The following EYS variants were observed in gnomAD, a reference collection of about 807,000 sequenced individuals.
EYS encodes the protein protein eyes shut homolog.
A neutral mutation model predicts 282.1 loss-of-function variants in EYS; 250 were observed. The observed-to-expected ratio is 0.89, with a 90% CI of 0.80 to 0.98. EYS has a LOEUF of 0.98. Ranked by LOEUF, EYS falls within the 50% of genes least tolerant of loss-of-function variation. The probability of loss-of-function intolerance (pLI) is 0.00; values close to 1 mark genes in which losing one functional copy is unlikely to be tolerated. For synonymous variants in EYS, 1,355 were observed against 1,282.9 expected (o/e 1.06, Z -1.20); for missense variants, 4,016 against 3,709.0 (o/e 1.08, Z -2.15).
At chr6:65,105,079 T>C (rs1581913767) in intron 12 of EYS, among the ~76,000 whole-genome samples, 2 of 151,742 alleles carry the variant, frequency 1.3e-5, no homozygotes, top group Admixed American at 1.3e-4. Context: ...ACACTACACA[T>C]GTTGATATAA....
At position 65,535,460 on chromosome 6, in the gene EYS, T is replaced by A. The variant is rs142691177; in HGVS notation, c.-332-39467A>T. On this transcript the variant is annotated intron_variant, in intron 2 of 42. Coordinates refer to ENST00000503581, the MANE Select transcript of EYS (RefSeq NM_001142800.2). ...GCACAAGCCCTCTTGCCTGCTGCCA[T>A]GTAAGATGTGATTTTGCTTCTCCTT... Among the ~76,000 whole-genome samples the A allele has an allele frequency of 3.5e-3, 534 of 152,214 alleles. 3 individuals are homozygous for A. Among genetic ancestry groups the A allele is most frequent in the South Asian group, 0.032 (155 of 4,824 alleles).
intron 8 of EYS, among the ~76,000 whole-genome samples, chr6:65,366,702 C>T (rs919430933): frequency 1.3e-5 from 2 of 151,530 alleles, no homozygotes; most frequent in Non-Finnish European, 2.9e-5. Flanking sequence ...AACATTTATT[C>T]TCTAACATTT....
intron 36 of EYS, among the ~76,000 whole-genome samples, chr6:63,810,453 C>T (rs1444823744): frequency 6.6e-6 from 1 of 152,164 alleles, no homozygotes; most frequent in Admixed American, 6.5e-5. Context: ...TTCTTCAACT[C>T]TGCAGTGATG....
At chr6:65,301,045 T>TAG (rs1306687699) in intron 11 of EYS, 2 of 152,216 alleles carry the variant, frequency 1.3e-5, no homozygotes, top group African/African-American at 2.4e-5. Flanking sequence ...CCCTCAGGAA[T>TAG]GACTGATGAG....
intron 2 of EYS, among the ~76,000 whole-genome samples, chr6:65,500,915 G>C (rs1037334822): frequency 6.6e-6 from 1 of 151,874 alleles, no homozygotes; most frequent in Non-Finnish European, 1.5e-5. Flanking sequence ...ATTACGCTTG[G>C]GGGTGGGGGA....
At chr6:64,058,142 A>C (rs575279354) in intron 33 of EYS, among the ~76,000 whole-genome samples, 21 of 152,164 alleles carry the variant, frequency 1.4e-4, no homozygotes, top group Non-Finnish European at 2.4e-4. Flanking sequence ...GGTTTTATAA[A>C]GGTCAGTTCC....
At chr6:64,271,831 T>C (rs1347209494) in intron 30 of EYS, among the ~76,000 whole-genome samples, 1 of 152,046 alleles carries the variant, frequency 6.6e-6, no homozygotes, top group African/African-American at 2.4e-5. Context: ...TCCCTATTCT[T>C]ATTTTATTTT....
At chr6:65,143,070 A>C (rs188780163) in intron 12 of EYS, among the ~76,000 whole-genome samples, 102 of 152,160 alleles carry the variant, frequency 6.7e-4, no homozygotes, top group African/African-American at 2.2e-3. Context: ...TTTATGAAAA[A>C]GACTCATATA....
chr6:64,612,613 G>A (rs2149845763), intron 24 of EYS, among the ~76,000 whole-genome samples: 1 of 152,092 alleles, frequency 6.6e-6, no homozygotes, highest in South Asian at 2.1e-4. Flanking sequence ...GATTGTCATA[G>A]CTCTAAACAT....
At chr6:64,369,648 T>C (rs945672883) in intron 29 of EYS, among the ~76,000 whole-genome samples, 24 of 152,090 alleles carry the variant, frequency 1.6e-4, no homozygotes, top group Admixed American at 2.6e-4. Context: ...TTACAGAACA[T>C]TGATCAAAAC....
At chr6:64,519,388 C>A (rs1487424576) in intron 26 of EYS, among the ~76,000 whole-genome samples, 2 of 151,760 alleles carry the variant, frequency 1.3e-5, no homozygotes, top group Admixed American at 1.3e-4. Flanking sequence ...GATTTGCCTG[C>A]TCCTAATTTG....
chr6:63,726,736 T>C, intron 41 of EYS, 56 bp from the exon 42 acceptor site: 3 of 1,427,860 alleles, frequency 2.1e-6, no homozygotes, highest in Non-Finnish European at 1.9e-6. Flanking sequence ...TAAAAAACAT[T>C]GCTCATAAAT....
chr6:65,119,338 T>C (rs1029156784), intron 12 of EYS, among the ~76,000 whole-genome samples: 2 of 152,260 alleles, frequency 1.3e-5, no homozygotes, highest in African/African-American at 4.8e-5. Context: ...GTAAAAGTCA[T>C]CATCTTATAC....
chr6:64,177,942 C>G (rs138489225), intron 31 of EYS, among the ~76,000 whole-genome samples: 60 of 152,216 alleles, frequency 3.9e-4, no homozygotes, highest in Admixed American at 2.4e-3. Flanking sequence ...TCCATTTACT[C>G]CAACCCTTGG....
chr6:65,036,768 C>T lies in EYS; in HGVS notation c.2137+20846G>A, dbSNP rs574210640. ...TCAAAACCACATTGAGATACCATCT[C>T]ATACCCACTCAGAATGGCTATCCTT... On this transcript the variant is annotated intron_variant, in intron 13 of 42. Transcript: ENST00000503581. Among the ~76,000 whole-genome samples, 8 of 152,130 alleles carry T rather than the reference C, an allele frequency of 5.3e-5. 1 individual carries two copies. Among genetic ancestry groups the T allele is most frequent in the African/African-American group, 1.9e-4 (8 of 41,562 alleles).
intron 22 of EYS, among the ~76,000 whole-genome samples, chr6:64,753,740 C>T (rs768033085): frequency 1.4e-4 from 22 of 151,874 alleles, no homozygotes; most frequent in Non-Finnish European, 3.1e-4. Context: ...TTAAAATGGA[C>T]TCCATTGCAA....
intron 35 of EYS, among the ~76,000 whole-genome samples, chr6:63,980,164 C>T (rs1299098755): frequency 6.6e-6 from 1 of 151,646 alleles, no homozygotes; most frequent in Non-Finnish European, 1.5e-5. Context: ...TGTAGAGAGC[C>T]AATTTCTTTA....
intron 26 of EYS, among the ~76,000 whole-genome samples, chr6:64,454,027 G>T (rs1775468468): frequency 6.6e-6 from 1 of 151,736 alleles, no homozygotes; most frequent in African/African-American, 2.4e-5. Flanking sequence ...AAAAAAATTT[G>T]TTACCAGTTG....
At chr6:64,808,759 A>T (rs1764510655) in intron 22 of EYS, among the ~76,000 whole-genome samples, 1 of 152,140 alleles carries the variant, frequency 6.6e-6, no homozygotes, top group African/African-American at 2.4e-5. Flanking sequence ...TGCATCAGCA[A>T]GATTTTTTTA....
Sources: allele counts gnomAD v4.1 joint callset (sites outside exome capture counted in the v4.1 genomes callset), GRCh38; gene constraint gnomAD v4.1.1; transcripts MANE v1.5; gene names NCBI Gene and HGNC (gene_info 2026-07-23, HGNC 2026-07-21).